EPB41L2: variants seen among roughly 807,000 people sequenced by gnomAD.
The protein encoded by EPB41L2 is erythrocyte membrane protein band 4.1 like 2, also known as band 4.1-like protein 2.
A neutral mutation model predicts 113.0 loss-of-function variants in EPB41L2; 43 were observed. That is an observed-to-expected ratio of 0.38 (90% CI 0.30 to 0.49). The LOEUF (loss-of-function observed/expected upper bound fraction) is 0.49, where lower values mean the gene tolerates loss of function less well. EPB41L2 is among the 20% of genes least tolerant of loss of function. The pLI, the probability that EPB41L2 is intolerant of heterozygous loss-of-function variation, is 0.95. For missense variants in EPB41L2, 1,147 were observed against 1,223.4 expected (o/e 0.94, Z 0.93); for synonymous variants, 442 against 436.7 (o/e 1.01, Z -0.15).
At chr6:131,005,593 T>C (rs769519581) in intron 1 of EPB41L2, among the ~76,000 whole-genome samples, 2 of 152,198 alleles carry the variant, frequency 1.3e-5, no homozygotes, top group African/African-American at 2.4e-5. Context: ...TTCTTAGTTA[T>C]TACCCATATT....
At chr6:130,965,817 A>G (rs2128642930) in intron 1 of EPB41L2, among the ~76,000 whole-genome samples, 1 of 152,296 alleles carries the variant, frequency 6.6e-6, no homozygotes, top group Non-Finnish European at 1.5e-5. Context: ...ATTCTCAAAC[A>G]ATTGCTAGCA....
intron 1 of EPB41L2, among the ~76,000 whole-genome samples, chr6:130,965,644 C>CAAAAAAAAAAAAAAAAAAAA (rs35081059): frequency 7.8e-6 from 1 of 127,896 alleles, no homozygotes; most frequent in African/African-American, 3.0e-5. Flanking sequence ...AAACAGTTAT[C>CAAAAAAAAAAAAAAAAAAAA]AAAAAAAAAA....
At chr6:130,938,590 C>T (rs575899076) in intron 3 of EPB41L2, among the ~76,000 whole-genome samples, 6 of 152,256 alleles carry the variant, frequency 3.9e-5, no homozygotes, top group Admixed American at 3.9e-4. Context: ...CTGAACCGTG[C>T]CTTTCAAAAA....
chr6:130,912,402 G>A (rs2128519400), intron 4 of EPB41L2, among the ~76,000 whole-genome samples: 1 of 152,348 alleles, frequency 6.6e-6, no homozygotes, highest in South Asian at 2.1e-4. Flanking sequence ...GTAAGATGCT[G>A]TGAAAGCAGA....
chr6:131,004,779 A>G, intron 1 of EPB41L2, among the ~76,000 whole-genome samples: 1 of 151,940 alleles, frequency 6.6e-6, no homozygotes, highest in East Asian at 1.9e-4. Flanking sequence ...TGCCCAAATC[A>G]CCCAACTCCC....
rs933417371 is a variant in EPB41L2 at position 130,855,519 on chromosome 6, T to C, written c.*5+2612A>G. Among the ~76,000 whole-genome samples the C allele has an allele frequency of 9.9e-5, 15 of 152,280 alleles. No individual in the cohort carries two copies. The East Asian group carries it at 2.7e-3, about 27-fold the overall frequency. On this transcript the variant is annotated intron_variant, in intron 19 of 19. Transcript: ENST00000337057. ...CCCATTATATACCCTGTGTTTAAAA[T>C]AGAATCTCAGATATGAAGAGTCAGG...
chr6:131,058,287 TTAAAA>T (rs1797985324), intron 1 of EPB41L2, among the ~76,000 whole-genome samples: 1 of 152,188 alleles, frequency 6.6e-6, no homozygotes, highest in African/African-American at 2.4e-5. Context: ...AGACATCACT[TTAAAA>T]TAAGAAAATT....
chr6:131,039,539 G>A (rs191581368), intron 1 of EPB41L2, among the ~76,000 whole-genome samples: 2 of 152,270 alleles, frequency 1.3e-5, no homozygotes, highest in East Asian at 3.9e-4. Flanking sequence ...CTGAATTAGG[G>A]CCTCAGTATC....
At chr6:130,918,315 T>C (rs1330381409) in intron 4 of EPB41L2, among the ~76,000 whole-genome samples, 1 of 152,186 alleles carries the variant, frequency 6.6e-6, no homozygotes, top group African/African-American at 2.4e-5. Context: ...AACAAGCTCC[T>C]TTTTCAATAT....
intron 1 of EPB41L2, among the ~76,000 whole-genome samples, chr6:130,979,486 C>A: frequency 8.8e-6 from 1 of 113,980 alleles, no homozygotes. Flanking sequence ...TGGAGCGAGA[C>A]TCTGTCAAAA....
At chr6:130,849,254 A>C (rs746488379) in intron 19 of EPB41L2, among the ~76,000 whole-genome samples, 2 of 152,186 alleles carry the variant, frequency 1.3e-5, no homozygotes, top group African/African-American at 2.4e-5. Flanking sequence ...GATTTTTCTA[A>C]AATTGCTGAC....
intron 4 of EPB41L2, among the ~76,000 whole-genome samples, chr6:130,916,243 T>C (rs1360416061): frequency 6.6e-6 from 1 of 152,200 alleles, no homozygotes; most frequent in African/African-American, 2.4e-5. Context: ...CTTATATGTA[T>C]TTTACACTAA....
At chr6:131,018,339 T>C (rs1788707798) in intron 1 of EPB41L2, among the ~76,000 whole-genome samples, 1 of 151,912 alleles carries the variant, frequency 6.6e-6, no homozygotes, top group South Asian at 2.1e-4. Flanking sequence ...TAAGCTCACA[T>C]CTCATTGGCC....
At chr6:130,953,507 G>A (rs1437341489) in intron 3 of EPB41L2, among the ~76,000 whole-genome samples, 2 of 151,972 alleles carry the variant, frequency 1.3e-5, no homozygotes, top group African/African-American at 4.8e-5. Context: ...TCACACACTG[G>A]GGCCTATCAT....
At chr6:131,054,608 C>T (rs540909578) in intron 1 of EPB41L2, among the ~76,000 whole-genome samples, 9 of 152,362 alleles carry the variant, frequency 5.9e-5, no homozygotes, top group East Asian at 1.9e-4. Context: ...AGTCCCTGTT[C>T]GGGCGCCACT....
intron 19 of EPB41L2, among the ~76,000 whole-genome samples, chr6:130,855,141 G>C (rs1044472893): frequency 6.6e-6 from 1 of 152,032 alleles, no homozygotes; most frequent in Admixed American, 6.6e-5. Context: ...TTGAGAACAG[G>C]AGTTTAAGAC....
intron 3 of EPB41L2, among the ~76,000 whole-genome samples, chr6:130,945,877 T>A (rs1264001865): frequency 6.6e-6 from 1 of 152,114 alleles, no homozygotes; most frequent in African/African-American, 2.4e-5. Context: ...AGTATGTAAA[T>A]GACCTTAGCA....
chr6:130,969,868 A>G (rs891912450), intron 1 of EPB41L2, among the ~76,000 whole-genome samples: 2 of 152,136 alleles, frequency 1.3e-5, no homozygotes, highest in Non-Finnish European at 2.9e-5. Flanking sequence ...GTATTATGTC[A>G]TACCACTGAA....
At chr6:131,028,949 G>T (rs1370208587) in intron 1 of EPB41L2, among the ~76,000 whole-genome samples, 2 of 152,034 alleles carry the variant, frequency 1.3e-5, no homozygotes, top group Non-Finnish European at 2.9e-5. Flanking sequence ...TTTTTGAATA[G>T]CCAGATTACT....
Sources: allele counts gnomAD v4.1 joint callset (sites outside exome capture counted in the v4.1 genomes callset), GRCh38; gene constraint gnomAD v4.1.1; transcripts MANE v1.5; gene names NCBI Gene and HGNC (gene_info 2026-07-23, HGNC 2026-07-21).